KHDRBS2: variants seen among roughly 807,000 people sequenced by gnomAD.
KHDRBS2 encodes the protein KH RNA binding domain containing, signal transduction associated 2, also known as KH domain-containing, RNA-binding, signal transduction-associated protein 2.
A neutral mutation model predicts 44.3 loss-of-function variants in KHDRBS2; 26 were observed. That is an observed-to-expected ratio of 0.59 (90% CI 0.43 to 0.81). KHDRBS2 has a LOEUF of 0.81. Among genes scored for constraint, KHDRBS2 ranks in the 40% least tolerant of loss-of-function variants. KHDRBS2 has a pLI of 0.00. For synonymous variants in KHDRBS2, 194 were observed against 151.1 expected (o/e 1.28, Z -2.08); for missense variants, 476 against 433.1 (o/e 1.10, Z -0.88).
rs548800635 is a variant in KHDRBS2 at position 62,176,519 on chromosome 6, G to T, written c.219+666C>A. Among the ~76,000 whole-genome samples the T allele has an allele frequency of 5.3e-5, 8 of 151,240 alleles. No individual in the cohort carries two copies. The South Asian group carries it at 1.7e-3, about 31-fold the overall frequency. On this transcript the variant is annotated intron_variant, in intron 2 of 8. Transcript: ENST00000281156. ...GTAAATTATCAGCTTGAATCTTTGA[G>T]TTTACATTTTAGTTTCCTTCATTCA...
At chr6:62,182,175 T>C (rs1224481292) in intron 1 of KHDRBS2, among the ~76,000 whole-genome samples, 2 of 152,020 alleles carry the variant, frequency 1.3e-5, no homozygotes, top group Non-Finnish European at 2.9e-5. Flanking sequence ...GTTTATTGTT[T>C]GTAAGGCACT....
At chr6:61,961,889 C>G in intron 4 of KHDRBS2, among the ~76,000 whole-genome samples, 1 of 152,056 alleles carries the variant, frequency 6.6e-6, no homozygotes, top group Non-Finnish European at 1.5e-5. Flanking sequence ...ATCTGGATTA[C>G]AGTTTAAACG....
intron 1 of KHDRBS2, among the ~76,000 whole-genome samples, chr6:62,219,185 C>T (rs1830482907): frequency 6.8e-6 from 1 of 147,542 alleles, no homozygotes; most frequent in Non-Finnish European, 1.5e-5. Flanking sequence ...GCAGATTTAA[C>T]TGCAGATGAA....
At chr6:61,954,832 A>ATGTG (rs1562513524) in intron 4 of KHDRBS2, among the ~76,000 whole-genome samples, 7 of 90,648 alleles carry the variant, frequency 7.7e-5, no homozygotes, top group African/African-American at 3.0e-4. Flanking sequence ...ATACACATGC[A>ATGTG]TATGTATGTA....
At chr6:61,556,973 T>G in the KHDRBS2 span, among the ~76,000 whole-genome samples, 1 of 151,190 alleles carries the variant, frequency 6.6e-6, no homozygotes, top group East Asian at 2.0e-4. Flanking sequence ...ACAGCTTTAT[T>G]TATGCTGAGG....
chr6:61,697,198 A>C lies in KHDRBS2; in HGVS notation c.949T>G (p.Tyr317Asp). The C allele has an allele frequency of 6.2e-7, 1 of 1,601,824 alleles. No individual in the cohort carries two copies. Among genetic ancestry groups the C allele is most frequent in the Non-Finnish European group, 8.6e-7 (1 of 1,168,944 alleles). The change falls in exon 8 of 9, where the codon TAC (tyrosine) becomes GAC (aspartate). Residue 317 changes from tyrosine (Y) to aspartate (D), a missense_variant. Physicochemically the swap from Tyr to Asp is radical, Grantham distance 160 (BLOSUM62 -3). Coordinates refer to ENST00000281156, the MANE Select transcript of KHDRBS2 (RefSeq NM_152688.4). ...HGVSEDAYDS[Y>D]APEEWATTRS... ...TTTAGTAAAGAAAAGGTCTTACCGTAGCTGTCATAGGCATCCTCACTTACT... is the reference window on the plus strand; with the variant it reads ...TTTAGTAAAGAAAAGGTCTTACCGTCGCTGTCATAGGCATCCTCACTTACT...
At chr6:61,731,627 C>T (rs1055509601) in intron 7 of KHDRBS2, among the ~76,000 whole-genome samples, 3 of 151,924 alleles carry the variant, frequency 2.0e-5, no homozygotes, top group Non-Finnish European at 2.9e-5. Context: ...TTACTTAAGT[C>T]CTAAAGGAGG....
At chr6:61,870,301 C>G (rs62414691) in intron 6 of KHDRBS2, among the ~76,000 whole-genome samples, 1 of 151,888 alleles carries the variant, frequency 6.6e-6, no homozygotes, top group Non-Finnish European at 1.5e-5. Context: ...ACGGAGCCCA[C>G]GCAGCTCAGT....
chr6:61,949,470 C>T (rs1214886492), intron 4 of KHDRBS2, among the ~76,000 whole-genome samples: 2 of 152,038 alleles, frequency 1.3e-5, no homozygotes, highest in African/African-American at 4.8e-5. Flanking sequence ...GGACATATTT[C>T]ACAATTATAT....
chr6:62,146,391 T>G (rs1035043951), intron 2 of KHDRBS2, among the ~76,000 whole-genome samples: 10 of 151,756 alleles, frequency 6.6e-5, no homozygotes, highest in African/African-American at 2.4e-4. Flanking sequence ...AATCCACTAG[T>G]TGTTGTCTCT....
intron 1 of KHDRBS2, among the ~76,000 whole-genome samples, chr6:62,241,847 C>T (rs905406778): frequency 6.6e-6 from 1 of 151,710 alleles, no homozygotes; most frequent in Admixed American, 6.6e-5. Flanking sequence ...TATATATATG[C>T]ATATAGTCTG....
intron 1 of KHDRBS2, among the ~76,000 whole-genome samples, chr6:62,219,931 ATATT>A (rs1830614169): frequency 6.8e-6 from 1 of 147,612 alleles, no homozygotes; most frequent in African/African-American, 2.5e-5. Context: ...TTATATATAT[ATATT>A]AATAGTATAT....
intron 3 of KHDRBS2, among the ~76,000 whole-genome samples, chr6:62,000,861 A>C (rs1778106115): frequency 6.6e-6 from 1 of 152,240 alleles, no homozygotes; most frequent in Admixed American, 6.5e-5. Flanking sequence ...CTTCAATAGC[A>C]AAAATAAAAA....
chr6:62,165,760 T>C (rs917720443), intron 2 of KHDRBS2, among the ~76,000 whole-genome samples: 44 of 152,110 alleles, frequency 2.9e-4, no homozygotes, highest in African/African-American at 1.1e-3. Context: ...GACTTGAACT[T>C]CTGTGTTTAA....
chr6:61,557,012 G>A, the KHDRBS2 span, among the ~76,000 whole-genome samples: 1 of 144,884 alleles, frequency 6.9e-6, no homozygotes, highest in Non-Finnish European at 1.5e-5. Context: ...TTATAGTTTT[G>A]CACCATCAGT....
chr6:61,859,771 T>A (rs565770419), intron 6 of KHDRBS2, among the ~76,000 whole-genome samples: 20 of 152,054 alleles, frequency 1.3e-4, no homozygotes, highest in African/African-American at 4.6e-4. Flanking sequence ...ATTTAACATA[T>A]GTATATAAAT....
chr6:62,277,885 T>G (rs1371126120), intron 1 of KHDRBS2, among the ~76,000 whole-genome samples: 3 of 152,144 alleles, frequency 2.0e-5, no homozygotes, highest in African/African-American at 7.2e-5. Flanking sequence ...TTAATAACAA[T>G]GGAGCAAGAG....
chr6:61,862,900 A>T (rs1797208997), intron 6 of KHDRBS2, among the ~76,000 whole-genome samples: 1 of 151,928 alleles, frequency 6.6e-6, no homozygotes, highest in African/African-American at 2.4e-5. Flanking sequence ...GACTGGTACC[A>T]GCTCTTCTTT....
intron 1 of KHDRBS2, 95 bp from the exon 2 acceptor site, chr6:62,177,407 C>T: frequency 5.4e-6 from 5 of 921,574 alleles, no homozygotes; most frequent in Admixed American, 2.8e-5. Flanking sequence ...ATTCATATTA[C>T]TCCTCTTCTC....
Sources: allele counts gnomAD v4.1 joint callset (sites outside exome capture counted in the v4.1 genomes callset), GRCh38; gene constraint gnomAD v4.1.1; transcripts MANE v1.5; gene names NCBI Gene and HGNC (gene_info 2026-07-23, HGNC 2026-07-21).